SCN8A: variants seen among roughly 807,000 people sequenced by gnomAD.
SCN8A encodes sodium voltage-gated channel alpha subunit 8.
A neutral mutation model predicts 184.1 loss-of-function variants in SCN8A; 30 were observed. The observed-to-expected ratio is 0.16, with a 90% CI of 0.12 to 0.22. The LOEUF is 0.22. Among genes scored for constraint, SCN8A ranks in the 10% least tolerant of loss-of-function variants. The pLI is 1.00. For synonymous variants in SCN8A, 852 were observed against 907.0 expected, an observed-to-expected ratio of 0.94 and a Z score of 1.09; for missense variants, 1,057 against 2,498.9, an observed-to-expected ratio of 0.42 and a Z score of 12.30.
intron 2 of SCN8A, among the ~76,000 whole-genome samples, chr12:51,677,841 C>T (rs1029728587): frequency 3.3e-5 from 5 of 152,340 alleles, no homozygotes; most frequent in Non-Finnish European, 7.3e-5. Context: ...GATATTTCCC[C>T]TTGGGCAGTA....
At chr12:51,603,091 G>GTAT (rs1236056282) in intron 1 of SCN8A, among the ~76,000 whole-genome samples, 2 of 151,646 alleles carry the variant, frequency 1.3e-5, no homozygotes, top group Admixed American at 1.3e-4. Context: ...CACATGTATA[G>GTAT]GTTCATGTAA....
chr12:51,797,976 GGGAGT>G (rs1486158719), intron 26 of SCN8A, among the ~76,000 whole-genome samples: 1 of 152,162 alleles, frequency 6.6e-6, no homozygotes, highest in Non-Finnish European at 1.5e-5. Flanking sequence ...AGGGGTGATG[GGGAGT>G]GGTGCCACTT....
At chr12:51,727,310 A>T (rs375020248) in intron 12 of SCN8A, among the ~76,000 whole-genome samples, 1 of 149,828 alleles carries the variant, frequency 6.7e-6, no homozygotes, top group Non-Finnish European at 1.5e-5. Context: ...AGGTTGAATT[A>T]AAAAAAAAAT....
chr12:51,705,369 C>A (rs2291265), intron 9 of SCN8A, 48 bp from the exon 10 acceptor site: 1 of 1,585,938 alleles, frequency 6.3e-7, no homozygotes, highest in South Asian at 1.1e-5. Context: ...GTTTTCAGCC[C>A]GGTTCATTTG....
chr12:51,690,054 A>G (rs1166861246), intron 6 of SCN8A: 2 of 152,148 alleles, frequency 1.3e-5, no homozygotes, highest in Non-Finnish European at 2.9e-5. Flanking sequence ...AATCATTGCT[A>G]CTGGGTAATA....
chr12:51,645,960 A>AT (rs1555212643), intron 1 of SCN8A, among the ~76,000 whole-genome samples: 740 of 14,612 alleles, frequency 0.051, 6 homozygotes, highest in East Asian at 0.18. Flanking sequence ...TAAAAAAAAA[A>AT]AAAAATAATA....
At chr12:51,790,253 C>T (rs533317922) in intron 24 of SCN8A, 145 bp from the exon 25 acceptor site, 66 of 538,956 alleles carry the variant, frequency 1.2e-4, no homozygotes, top group African/African-American at 1.0e-3. Context: ...ATGATTATCG[C>T]GGGTCTACCC....
chr12:51,754,083 G>C (rs1029877785), intron 14 of SCN8A, among the ~76,000 whole-genome samples: 4 of 152,078 alleles, frequency 2.6e-5, no homozygotes, highest in Non-Finnish European at 5.9e-5. Flanking sequence ...CCCCAAAAGA[G>C]AAAATAATAG....
At chr12:51,680,067 T>A (rs1028102755) in intron 2 of SCN8A, among the ~76,000 whole-genome samples, 2 of 152,190 alleles carry the variant, frequency 1.3e-5, no homozygotes, top group African/African-American at 4.8e-5. Flanking sequence ...TCTGTAAATC[T>A]AATTATTTCA....
intron 16 of SCN8A, among the ~76,000 whole-genome samples, chr12:51,767,780 C>G (rs916953397): frequency 2.6e-5 from 4 of 152,278 alleles, no homozygotes; most frequent in East Asian, 3.9e-4. Context: ...TAATCCAGAC[C>G]CTTATCAATT....
Position 51,786,524 on chromosome 12 carries a change from C to A in SCN8A, c.3943-18C>A, listed in dbSNP as rs1938090557. 6.2e-7 allele frequency: 1 copy of A among 1,613,848 alleles called. No individual in the cohort carries two copies. Among genetic ancestry groups the A allele is most frequent in the Non-Finnish European group, 8.5e-7 (1 of 1,179,932 alleles). On this transcript the variant is annotated intron_variant, in intron 21 of 26. Transcript: ENST00000627620. ...CTCATTTCCACCCAACACTGAGCAA[C>A]CTCCCCTTCCAATGCAGGTGGTGGT...
intron 6 of SCN8A, chr12:51,689,820 A>G (rs931230200): frequency 2.0e-5 from 3 of 152,230 alleles, no homozygotes; most frequent in African/African-American, 7.2e-5. Flanking sequence ...CAAAAAGTAT[A>G]GAAGTTTGAG....
intron 13 of SCN8A, among the ~76,000 whole-genome samples, chr12:51,747,955 C>T (rs1013868504): frequency 6.6e-6 from 1 of 151,974 alleles, no homozygotes; most frequent in Admixed American, 6.6e-5. Context: ...GTTTTTTGTC[C>T]TCTTTCCTAA....
At chr12:51,794,323 G>A (rs756969219) in intron 25 of SCN8A, 48 bp from the exon 26 acceptor site, 2 of 1,566,810 alleles carry the variant, frequency 1.3e-6, no homozygotes. Flanking sequence ...AGGTTGGCTT[G>A]GAAAGGTTTT....
chr12:51,664,684 ATT>A (rs1940997243), intron 2 of SCN8A, among the ~76,000 whole-genome samples: 1 of 151,602 alleles, frequency 6.6e-6, no homozygotes, highest in Admixed American at 6.6e-5. Context: ...TTAATTTCTC[ATT>A]TTCTTTTTGT....
At chr12:51,679,743 T>TTTTTTTTTTTTGGGGG (rs1941295514) in intron 2 of SCN8A, among the ~76,000 whole-genome samples, 1 of 64,020 alleles carries the variant, frequency 1.6e-5, no homozygotes, top group Non-Finnish European at 4.2e-5. Context: ...TTTTTTTTTT[T>TTTTTTTTTTTTGGGGG]GAGACGGAGT....
chr12:51,769,216 T>A lies in SCN8A; in HGVS notation c.3253T>A (p.Ser1085Thr), dbSNP rs1331835028. Residue 1085 changes from serine to threonine, a missense_variant, in exon 17 of 27, where the codon TCC becomes ACC. Transcript: ENST00000627620. ...EKYIIDEDHMSFINNPNLTVR... is the reference protein window; with the variant it reads ...EKYIIDEDHMTFINNPNLTVR... The stretch of plus-strand genomic sequence containing the variant: ...GTACATCATTGATGAGGACCACATG[T>A]CCTTCATCAACAACCCCAACTTGAC... The A allele has an allele frequency of 6.2e-7, 1 of 1,613,948 alleles. No individual in the cohort carries two copies. Among genetic ancestry groups the A allele is most frequent in the Non-Finnish European group, 8.5e-7 (1 of 1,179,854 alleles).
At chr12:51,602,382 T>C (rs1939486940) in intron 1 of SCN8A, among the ~76,000 whole-genome samples, 1 of 152,156 alleles carries the variant, frequency 6.6e-6, no homozygotes, top group Admixed American at 6.5e-5. Context: ...ATTCCACTTA[T>C]GTGAGTTACC....
At position 51,812,706 on chromosome 12, in the gene SCN8A, T is replaced by C. The variant is rs1944872241; in HGVS notation, c.*5277T>C. ...TCCCTCACCTCCTCGACTTGTTCCCTGTTCTGTTTATGCGGAAATGGCAGA... is the reference window on the plus strand; with the variant it reads ...TCCCTCACCTCCTCGACTTGTTCCCCGTTCTGTTTATGCGGAAATGGCAGA... On this transcript the variant is annotated 3_prime_UTR_variant, in exon 27 of 27. Transcript: ENST00000627620. 1.3e-5 allele frequency: 2 copies of C among 152,294 alleles called. No homozygotes were observed. The highest frequency in any genetic ancestry group is 6.5e-5 in the Admixed American group (1 of 15,292). 9.4% of individuals were successfully genotyped at this position (152,294 alleles called of 1,614,324 possible).
Sources: gnomAD v4.1 joint callset for allele counts (sites outside exome capture counted in the v4.1 genomes callset) on GRCh38, gnomAD v4.1.1 for gene constraint, MANE v1.5 for transcripts, NCBI Gene and HGNC (gene_info 2026-07-23, HGNC 2026-07-21) for gene names.